ZNF518B: variants seen among roughly 807,000 people sequenced by gnomAD.
ZNF518B encodes zinc finger protein 518B.
Under a neutral mutation model 56.3 loss-of-function variants are expected in ZNF518B, and 23 were observed. The ratio of observed to expected loss-of-function variants is 0.41; its 90% CI spans 0.29 to 0.58. ZNF518B has a LOEUF of 0.58. ZNF518B is among the 20% of genes least tolerant of loss of function. The pLI, the probability that ZNF518B is intolerant of heterozygous loss-of-function variation, is 0.32. For missense variants in ZNF518B, 1,460 were observed against 1,272.1 expected (o/e 1.15, Z -2.25); for synonymous variants, 529 against 465.9 (o/e 1.14, Z -1.74).
At chr4:10,457,484 G>C (rs1715599315), upstream of ZNF518B, 1 of 152,162 alleles carries the variant, frequency 6.6e-6, no homozygotes, top group African/African-American at 2.4e-5. Context: ...CGAGGCCGGC[G>C]CCTGAGGTCT....
Position 10,446,168 on chromosome 4 carries a change from A to G in ZNF518B, c.161T>C (p.Met54Thr), listed in dbSNP as rs779328592. 1 of 1,614,200 alleles carries G rather than the reference A, an allele frequency of 6.2e-7. No homozygotes were observed. The highest frequency in any genetic ancestry group is 1.1e-5 in the South Asian group (1 of 91,082). The change falls in exon 3 of 3, where the codon ATG becomes ACG. Residue 54 changes from methionine to threonine, a missense_variant. By Grantham distance (81) the Met-to-Thr change is moderately conservative. Transcript: ENST00000326756. ...LYQGSEAEAA[M>T]MTIATCAKCK... ...CTTTGCACATGTAGCAATGGTCATC[A>G]TGGCAGCCTCTGCCTCTGAGCCTTG... is the stretch of plus-strand genomic sequence containing the variant.
chr4:10,460,334 A>AAAAAC (rs1715709381), upstream of ZNF518B, among the ~76,000 whole-genome samples: 1 of 148,112 alleles, frequency 6.8e-6, no homozygotes, highest in South Asian at 2.2e-4. Flanking sequence ...CCAAAAAAAA[A>AAAAAC]AAAACCGACC....
rs917907089 is a variant in ZNF518B, at chr4:10,443,707, A to T, written c.2622T>A (p.Asn874Lys). The T allele has an allele frequency of 6.2e-7, 1 of 1,614,150 alleles. No homozygotes were observed. Among genetic ancestry groups the T allele is most frequent in the African/African-American group, 1.3e-5 (1 of 75,038 alleles). Residue 874 changes from asparagine to lysine, a missense_variant, in exon 3 of 3, where the codon AAT becomes AAA. Coordinates refer to ENST00000326756, the MANE Select transcript of ZNF518B (RefSeq NM_053042.3). Reference sequence around the variant, plus strand: ...TTCTGGAAAGCAGTCTCCCTTGCTTATTTAATTCACTGCTTCCTTGCTGTC... The same window carrying T: ...TTCTGGAAAGCAGTCTCCCTTGCTTTTTTAATTCACTGCTTCCTTGCTGTC... Reference protein sequence around the residue: ...LYGQQGSSELNKQGRLLSRSL... With the variant: ...LYGQQGSSELKKQGRLLSRSL...
intron 2 of ZNF518B, chr4:10,453,081 T>C (rs1218210979): frequency 6.6e-6 from 1 of 152,244 alleles, no homozygotes; most frequent in Admixed American, 6.5e-5. Flanking sequence ...GCACATGATT[T>C]CAAACTTGTT....
upstream of ZNF518B, among the ~76,000 whole-genome samples, chr4:10,460,638 TAGAG>T (rs559390844): frequency 2.6e-5 from 4 of 152,186 alleles, no homozygotes; most frequent in Non-Finnish European, 5.9e-5. Context: ...ACTCTGATCT[TAGAG>T]AGCCCTTCAT....
intron 1 of ZNF518B, among the ~76,000 whole-genome samples, chr4:10,455,486 G>A (rs1242921134): frequency 6.6e-6 from 1 of 152,182 alleles, no homozygotes; most frequent in African/African-American, 2.4e-5. Flanking sequence ...GAAAGAATGA[G>A]TGAATGAATG....
upstream of ZNF518B, among the ~76,000 whole-genome samples, chr4:10,460,315 A>AC (rs1715702469): frequency 1.1e-5 from 1 of 93,570 alleles, no homozygotes; most frequent in African/African-American, 9.6e-5. Context: ...AAAAAAAAAA[A>AC]AAAAAAAACC....
In ZNF518B at chr4:10,443,967, G is replaced by C. The variant is rs1029331525; in HGVS notation, c.2362C>G (p.His788Asp). The change falls in exon 3 of 3, where the codon CAC (histidine) becomes GAC (aspartate). Residue 788 changes from histidine (H) to aspartate (D), a missense_variant. Physicochemically the swap from His to Asp is moderately conservative, Grantham distance 81. Transcript: ENST00000326756. The stretch of plus-strand genomic sequence containing the variant: ...GCTTCACATGTAGCCTCTATGATGT[G>C]GGCATTCTCAGAGGAATTAAGAACC... Reference protein sequence around the residue: ...LRVLNSSENAHIIEATCEAPV... With the variant: ...LRVLNSSENADIIEATCEAPV... 1 of 1,614,152 alleles carries C rather than the reference G, an allele frequency of 6.2e-7. No individual in the cohort carries two copies. The highest frequency in any genetic ancestry group is 8.5e-7 in the Non-Finnish European group (1 of 1,180,024).
At position 10,443,506 on chromosome 4, in the gene ZNF518B, C is replaced by G. The variant is rs1224550502; in HGVS notation, c.2823G>C (p.Gln941His). Residue 941 changes from glutamine to histidine, a missense_variant, in exon 3 of 3, where the codon CAG becomes CAC. Physicochemically the swap from Gln to His is conservative, Grantham distance 24 (BLOSUM62 0). Transcript: ENST00000326756. ...DQLIKCPRRN[Q>H]PVIVLNHPDV... Reference sequence around the variant, plus strand: ...CAGGGTGGTTTAACACAATGACTGGCTGGTTCCGACGGGGACACTTAATCA... The same window carrying G: ...CAGGGTGGTTTAACACAATGACTGGGTGGTTCCGACGGGGACACTTAATCA... 1 of 1,613,762 alleles carries G rather than the reference C, an allele frequency of 6.2e-7. No individual in the cohort carries two copies. Among genetic ancestry groups the G allele is most frequent in the African/African-American group, 1.3e-5 (1 of 74,938 alleles).
intron 2 of ZNF518B, among the ~76,000 whole-genome samples, chr4:10,449,407 T>C (rs1374613145): frequency 6.6e-6 from 1 of 152,220 alleles, no homozygotes; most frequent in Non-Finnish European, 1.5e-5. Flanking sequence ...TCTTCTCCAA[T>C]TGACCATGCA....
rs952778079 is a variant in ZNF518B at position 10,441,895 on chromosome 4, T to A, written c.*1209A>T. On this transcript the variant is annotated 3_prime_UTR_variant, in exon 3 of 3. Coordinates refer to ENST00000326756, the MANE Select transcript of ZNF518B (RefSeq NM_053042.3). ...TAAGACAAATTAGAAACAGCGTTAC[T>A]ATCAATGAAAACTAGGGATCGTGTT... 6 of 152,232 alleles carry A rather than the reference T, an allele frequency of 3.9e-5. No homozygotes were observed. Among genetic ancestry groups the A allele is most frequent in the Non-Finnish European group, 4.4e-5 (3 of 68,034 alleles). 9.4% of individuals were successfully genotyped at this position (152,232 alleles called of 1,614,324 possible). A position where few individuals can be genotyped will look rare whatever the true frequency, so the allele number is the denominator to read the frequency against.
rs1387947943 is a variant in ZNF518B, at chr4:10,439,951, CAT to C, written c.*3151_*3152del. ...GCCAACTCCTGTATCTATATACAAA[CAT>C]GTTTCAAAACCAGAGCAGCAGACAC... On this transcript the variant is annotated 3_prime_UTR_variant, in exon 3 of 3. Transcript: ENST00000326756. 4 of 152,746 alleles carry C rather than the reference CAT, an allele frequency of 2.6e-5. No homozygotes were observed. In the East Asian group the frequency reaches 5.8e-4, roughly 22 times the overall value. The allele number at this position is 152,746 out of a possible 1,614,324, so 9.5% of individuals were successfully genotyped here. A position where few individuals can be genotyped will look rare whatever the true frequency, so the allele number is the denominator to read the frequency against.
In ZNF518B at chr4:10,446,285, C is replaced by T. The variant is rs777650630; in HGVS notation, c.44G>A (p.Gly15Asp). 6.8e-5 allele frequency: 109 copies of T among 1,614,174 alleles called. 2 individuals are homozygous for T. The highest frequency in any genetic ancestry group is 6.6e-4 in the Middle Eastern group (4 of 6,062). The change falls in exon 3 of 3, where the codon GGC (glycine) becomes GAC (aspartate). Residue 15 changes from glycine to aspartate, a missense_variant. Physicochemically the swap from Gly to Asp is moderately conservative, Grantham distance 94 (BLOSUM62 -1). Transcript: ENST00000326756. ...TGACATGGTCAAGGAATTATGTCCG[C>T]CGTTCAAGTGTGTAGTGTATAGCTG... Reference protein sequence around the residue: ...GQQLYTTHLNGGHNSLTMSPK... With the variant: ...GQQLYTTHLNDGHNSLTMSPK...
At chr4:10,460,795 TTA>T (rs1264987319), upstream of ZNF518B, among the ~76,000 whole-genome samples, 2 of 152,154 alleles carry the variant, frequency 1.3e-5, no homozygotes, top group African/African-American at 2.4e-5. Flanking sequence ...CTCCCGAATA[TTA>T]TATGACTTGA....
chr4:10,444,895 G>T lies in ZNF518B; in HGVS notation c.1434C>A (p.Ser478=), dbSNP rs763114090. Residue 478 remains serine (S), a synonymous_variant, in exon 3 of 3, where the codon TCC becomes TCA. Coordinates refer to ENST00000326756, the MANE Select transcript of ZNF518B (RefSeq NM_053042.3). The stretch of plus-strand genomic sequence containing the variant: ...CTAGAGAATGACCTTTTAAGGCAAC[G>T]GAAGGAAAAGCAGTTCTATGTGGAT... ...NLYPHRTAFP[S]VALKGHSLAS... is the part of the protein sequence containing the mutation. The T allele has an allele frequency of 3.1e-6, 5 of 1,612,344 alleles. No homozygotes were observed. In the South Asian group the frequency reaches 4.4e-5, roughly 14 times the overall value.
chr4:10,448,473 A>G (rs183805271), intron 2 of ZNF518B, among the ~76,000 whole-genome samples: 12 of 152,302 alleles, frequency 7.9e-5, no homozygotes, highest in Non-Finnish European at 7.4e-5. Flanking sequence ...AACACATCAT[A>G]TCTGATGACA....
chr4:10,456,940 C>T (rs557088022), intron 1 of ZNF518B, among the ~76,000 whole-genome samples: 59 of 151,322 alleles, frequency 3.9e-4, no homozygotes, highest in African/African-American at 1.4e-3. Context: ...ACGCTGCCAC[C>T]CCCGCCTCGG....
At chr4:10,457,842 G>A (rs1715617633), upstream of ZNF518B, among the ~76,000 whole-genome samples, 1 of 152,070 alleles carries the variant, frequency 6.6e-6, no homozygotes, top group South Asian at 2.1e-4. Flanking sequence ...TGAAGGAGAT[G>A]GCCTTGAAGT....
chr4:10,458,400 G>C (rs1335971902), upstream of ZNF518B, among the ~76,000 whole-genome samples: 1 of 152,206 alleles, frequency 6.6e-6, no homozygotes, highest in South Asian at 2.1e-4. Flanking sequence ...AAAGGTCGGC[G>C]TGCACGGACA....
Sources: gnomAD v4.1 joint callset for allele counts (sites outside exome capture counted in the v4.1 genomes callset) on GRCh38, gnomAD v4.1.1 for gene constraint, MANE v1.5 for transcripts, NCBI Gene and HGNC (gene_info 2026-07-23, HGNC 2026-07-21) for gene names.